The following KCNH1 variants were observed in gnomAD, a reference collection of about 807,000 sequenced individuals.
KCNH1 encodes potassium voltage-gated channel subfamily H member 1, also known as voltage-gated delayed rectifier potassium channel KCNH1.
In KCNH1, 27 loss-of-function variants were observed where a neutral mutation model predicts 69.2. The observed-to-expected ratio is 0.39, with a 90% CI of 0.29 to 0.54. The LOEUF is 0.54. Among genes scored for constraint, KCNH1 ranks in the 20% least tolerant of loss-of-function variants. KCNH1 has a pLI of 0.68. For missense variants in KCNH1, 798 were observed against 1,261.6 expected (o/e 0.63, Z 5.57); for synonymous variants, 456 against 487.7 (o/e 0.93, Z 0.86).
chr1:210,868,993 T>G (rs1310241141), intron 7 of KCNH1, among the ~76,000 whole-genome samples: 1 of 152,108 alleles, frequency 6.6e-6, no homozygotes, highest in Non-Finnish European at 1.5e-5. Flanking sequence ...CCTGAAAAAG[T>G]TTTTATTTCA....
At chr1:210,996,089 A>G (rs1169309216) in intron 6 of KCNH1, among the ~76,000 whole-genome samples, 1 of 152,132 alleles carries the variant, frequency 6.6e-6, no homozygotes, top group African/African-American at 2.4e-5. Context: ...CTGCATTTCC[A>G]TCTGAGGTAC....
chr1:211,010,429 C>T (rs1376732689), intron 6 of KCNH1, among the ~76,000 whole-genome samples: 1 of 152,184 alleles, frequency 6.6e-6, no homozygotes, highest in Non-Finnish European at 1.5e-5. Context: ...ACATGATAAA[C>T]TGTAAACTCC....
At chr1:210,843,720 T>C (rs1443453520) in intron 7 of KCNH1, among the ~76,000 whole-genome samples, 8 of 152,320 alleles carry the variant, frequency 5.3e-5, no homozygotes, top group Non-Finnish European at 1.0e-4. Flanking sequence ...TCATTTACTG[T>C]CAGAGGTTGA....
At chr1:210,784,035 CT>C (rs1274823754) in intron 9 of KCNH1, among the ~76,000 whole-genome samples, 1 of 152,212 alleles carries the variant, frequency 6.6e-6, no homozygotes, top group Non-Finnish European at 1.5e-5. Context: ...GCAACTTGAA[CT>C]GAAACCTTTG....
intron 3 of KCNH1, among the ~76,000 whole-genome samples, chr1:211,095,929 G>T (rs555007129): frequency 6.6e-6 from 1 of 152,066 alleles, no homozygotes; most frequent in East Asian, 1.9e-4. Context: ...AGCCTTGGCC[G>T]CATCAGTTTA....
chr1:211,099,674 CT>C (rs1345294534), intron 3 of KCNH1, among the ~76,000 whole-genome samples: 2 of 152,196 alleles, frequency 1.3e-5, no homozygotes, highest in African/African-American at 4.8e-5. Flanking sequence ...TATCAGGTTC[CT>C]TTCAAAATCA....
At chr1:211,066,317 C>T (rs4628570) in intron 5 of KCNH1, among the ~76,000 whole-genome samples, 56,871 of 151,858 alleles carry the variant, frequency 0.37, 11,250 homozygotes, top group South Asian at 0.43. Flanking sequence ...ATTGAGTATC[C>T]TTTTTCCAAA....
intron 6 of KCNH1, among the ~76,000 whole-genome samples, chr1:210,974,606 C>G (rs1688569330): frequency 7.4e-6 from 1 of 136,052 alleles, no homozygotes; most frequent in Non-Finnish European, 1.5e-5. Context: ...CTCTGTCACT[C>G]AGGCTGCAGT....
intron 6 of KCNH1, among the ~76,000 whole-genome samples, chr1:210,955,918 G>A (rs1466833563): frequency 6.6e-6 from 1 of 152,034 alleles, no homozygotes; most frequent in Non-Finnish European, 1.5e-5. Context: ...TGATTGCTCT[G>A]GCCAGAACTT....
intron 7 of KCNH1, among the ~76,000 whole-genome samples, chr1:210,881,838 C>T (rs945742536): frequency 1.1e-4 from 17 of 152,088 alleles, no homozygotes; most frequent in African/African-American, 3.4e-4. Flanking sequence ...GGCTAAACTA[C>T]GGAGACAGAA....
intron 5 of KCNH1, among the ~76,000 whole-genome samples, chr1:211,074,367 A>G (rs1005056320): frequency 6.6e-5 from 10 of 151,918 alleles, no homozygotes; most frequent in Non-Finnish European, 1.3e-4. Context: ...TATATTAATA[A>G]TAGTTAATTT....
intron 6 of KCNH1, among the ~76,000 whole-genome samples, chr1:210,952,687 GAA>G (rs5780618): frequency 1.9e-4 from 28 of 144,728 alleles, no homozygotes; most frequent in Middle Eastern, 3.5e-3. Context: ...CACTCTTAGA[GAA>G]AAAAAAAAAA....
At chr1:211,064,137 T>C (rs1690484904) in intron 5 of KCNH1, among the ~76,000 whole-genome samples, 1 of 152,162 alleles carries the variant, frequency 6.6e-6, no homozygotes, top group African/African-American at 2.4e-5. Context: ...CAAATATCTA[T>C]CAACAGGGGA....
chr1:210,752,518 T>G (rs17188548), intron 10 of KCNH1, among the ~76,000 whole-genome samples: 26,391 of 152,220 alleles, frequency 0.17, 3,051 homozygotes, highest in Non-Finnish European at 0.26. Flanking sequence ...AACCAAATAC[T>G]TGGACCTTCT....
intron 6 of KCNH1, among the ~76,000 whole-genome samples, chr1:210,972,257 A>G (rs1025855151): frequency 1.3e-5 from 2 of 152,138 alleles, no homozygotes; most frequent in Non-Finnish European, 2.9e-5. Flanking sequence ...GGACCCCATG[A>G]GGCAGGTATT....
At chr1:210,846,871 A>C (rs776844670) in intron 7 of KCNH1, among the ~76,000 whole-genome samples, 4 of 152,212 alleles carry the variant, frequency 2.6e-5, no homozygotes, top group Non-Finnish European at 5.9e-5. Flanking sequence ...AATGAACTCA[A>C]ATAAATTTAC....
At chr1:211,086,661 C>T (rs1172719874) in intron 4 of KCNH1, among the ~76,000 whole-genome samples, 1 of 152,138 alleles carries the variant, frequency 6.6e-6, no homozygotes, top group Non-Finnish European at 1.5e-5. Flanking sequence ...CCTGTCTTGA[C>T]TCCACAATGG....
At chr1:210,838,347 G>C (rs1195888540) in intron 7 of KCNH1, among the ~76,000 whole-genome samples, 1 of 152,120 alleles carries the variant, frequency 6.6e-6, no homozygotes, top group African/African-American at 2.4e-5. Context: ...ATCAACTAAA[G>C]ATGGATTAAA....
At chr1:210,691,244 G>A (rs1574184105) in intron 10 of KCNH1, among the ~76,000 whole-genome samples, 1 of 152,172 alleles carries the variant, frequency 6.6e-6, no homozygotes, top group South Asian at 2.1e-4. Flanking sequence ...ACAGGGAACA[G>A]CCCACGCCAA....
Sources: gnomAD v4.1 joint callset for allele counts (sites outside exome capture counted in the v4.1 genomes callset) on GRCh38, gnomAD v4.1.1 for gene constraint, MANE v1.5 for transcripts, NCBI Gene and HGNC (gene_info 2026-07-23, HGNC 2026-07-21) for gene names.